The following FBXW8 variants were observed in gnomAD, a reference collection of about 807,000 sequenced individuals.
The protein encoded by FBXW8 is F-box and WD repeat domain containing 8, also known as F-box/WD repeat-containing protein 8.
A neutral mutation model predicts 65.3 loss-of-function variants in FBXW8; 57 were observed. The ratio of observed to expected loss-of-function variants is 0.87; its 90% CI spans 0.71 to 1.09. The LOEUF is 1.09. FBXW8 is among the 50% of genes least tolerant of loss of function. FBXW8 has a pLI of 0.00. For synonymous variants in FBXW8, 308 were observed against 330.2 expected, an observed-to-expected ratio of 0.93 and a Z score of 0.73; for missense variants, 777 against 814.8, an observed-to-expected ratio of 0.95 and a Z score of 0.57.
chr12:116,985,418 TG>T lies in FBXW8; in HGVS notation c.1032+18del. 2 of 1,607,896 alleles carry T rather than the reference TG, an allele frequency of 1.2e-6. No individual in the cohort carries two copies. Among genetic ancestry groups the T allele is most frequent in the South Asian group, 1.1e-5 (1 of 90,056 alleles). ...TCCGAAACTGGTGAGCTTTTTAGTC[TG>T]GTCATCTTATTTTCTATTCTTAGAA... On this transcript the variant is annotated intron_variant, in intron 6 of 10. Coordinates refer to ENST00000652555, the MANE Select transcript of FBXW8 (RefSeq NM_153348.3).
At chr12:116,992,761 G>GGGGTGTGT (rs1555223673) in intron 7 of FBXW8, among the ~76,000 whole-genome samples, 1 of 143,646 alleles carries the variant, frequency 7.0e-6, no homozygotes, top group East Asian at 2.1e-4. Flanking sequence ...ATTATTCCAT[G>GGGGTGTGT]GTGTGTGTGT....
At chr12:116,968,131 AT>A (rs201116902) in intron 5 of FBXW8, among the ~76,000 whole-genome samples, 2,016 of 152,230 alleles carry the variant, frequency 0.013, 40 homozygotes, top group African/African-American at 0.046. Flanking sequence ...AACAATGTTA[AT>A]TTTTTAATCT....
chr12:116,933,599 T>C (rs1183220294), intron 2 of FBXW8, among the ~76,000 whole-genome samples: 1 of 152,210 alleles, frequency 6.6e-6, no homozygotes, highest in African/African-American at 2.4e-5. Flanking sequence ...CTTTTTGTTG[T>C]TGTTGTTAAC....
intron 9 of FBXW8, 39 bp from the exon 10 acceptor site, chr12:117,027,355 T>C (rs762766102): frequency 9.7e-6 from 15 of 1,538,492 alleles, no homozygotes; most frequent in Non-Finnish European, 1.3e-5. Context: ...GCAGGCCCAG[T>C]GGACGCCCCC....
intron 2 of FBXW8, among the ~76,000 whole-genome samples, chr12:116,938,664 G>T (rs1234451023): frequency 1.3e-5 from 2 of 152,222 alleles, no homozygotes; most frequent in Admixed American, 6.5e-5. Context: ...CAGTCCTCAT[G>T]AAAACTCATA....
chr12:117,024,027 A>C (rs1355694111), intron 8 of FBXW8, 120 bp from the exon 9 acceptor site: 32 of 974,338 alleles, frequency 3.3e-5, no homozygotes, highest in Non-Finnish European at 4.5e-5. Flanking sequence ...GTTTGTTTGC[A>C]GCTGAGGAGT....
At chr12:116,984,863 G>C (rs12308160) in intron 5 of FBXW8, among the ~76,000 whole-genome samples, 180 of 152,228 alleles carry the variant, frequency 1.2e-3, no homozygotes, top group Middle Eastern at 3.4e-3. Flanking sequence ...GGTGGCACAC[G>C]CCTGTAGTCC....
chr12:117,027,909 G>A (rs10507278), intron 10 of FBXW8, 119 bp from the exon 11 acceptor site: 108 of 1,375,020 alleles, frequency 7.9e-5, no homozygotes, highest in East Asian at 3.7e-4. Context: ...CAGAGAACGC[G>A]TTTGTGAAGC....
At chr12:117,024,346 G>T (rs1204827707) in intron 9 of FBXW8, 26 bp downstream of exon 9, 1 of 1,612,838 alleles carries the variant, frequency 6.2e-7, no homozygotes, top group African/African-American at 1.3e-5. Flanking sequence ...GACACTCTTG[G>T]GAGTTCCTAG....
intron 8 of FBXW8, among the ~76,000 whole-genome samples, chr12:117,020,050 A>C (rs1253732310): frequency 6.6e-6 from 1 of 152,032 alleles, no homozygotes; most frequent in Non-Finnish European, 1.5e-5. Flanking sequence ...CCGCCCACAC[A>C]CGCACAGCCT....
At chr12:116,933,691 G>A (rs1000894188) in intron 2 of FBXW8, among the ~76,000 whole-genome samples, 1 of 152,210 alleles carries the variant, frequency 6.6e-6, no homozygotes, top group African/African-American at 2.4e-5. Context: ...AGTTAGCTGT[G>A]ATCTGTGAAG....
chr12:116,949,948 C>G, intron 4 of FBXW8: 1 of 466,016 alleles, frequency 2.1e-6, no homozygotes, highest in Non-Finnish European at 3.9e-6. Flanking sequence ...ATATGTCTTT[C>G]CCAGCTTTTA....
At position 116,968,174 on chromosome 12, in the gene FBXW8, G is replaced by A. The variant is rs148730476; in HGVS notation, c.835+3320G>A. On this transcript the variant is annotated intron_variant, in intron 5 of 10. Coordinates refer to ENST00000652555, the MANE Select transcript of FBXW8 (RefSeq NM_153348.3). ...GAGTGGGGTTATTTTGTAATTTAAT[G>A]TTTTTGATTACTACATTTTTAGGGT... Among the ~76,000 whole-genome samples the A allele has an allele frequency of 1.7e-3, 264 of 152,224 alleles. 1 individual carries two copies. Among genetic ancestry groups the A allele is most frequent in the Non-Finnish European group, 3.0e-3 (203 of 68,002 alleles).
intron 5 of FBXW8, among the ~76,000 whole-genome samples, chr12:116,980,829 T>C (rs1426981381): frequency 6.6e-6 from 1 of 152,258 alleles, no homozygotes; most frequent in Non-Finnish European, 1.5e-5. Flanking sequence ...GTGCTTTGTG[T>C]ATATCTCTCT....
intron 1 of FBXW8, among the ~76,000 whole-genome samples, chr12:116,918,476 A>G (rs1171652160): frequency 6.6e-6 from 1 of 152,208 alleles, no homozygotes; most frequent in African/African-American, 2.4e-5. Flanking sequence ...TACCTAAGGT[A>G]AGTAGGATTT....
intron 5 of FBXW8, among the ~76,000 whole-genome samples, chr12:116,976,450 CTTT>C (rs35364851): frequency 4.6e-5 from 3 of 64,600 alleles, no homozygotes; most frequent in Non-Finnish European, 8.5e-5. Flanking sequence ...CCAAAGGATC[CTTT>C]TTTTTTTTTT....
chr12:117,001,685 GCT>G (rs1279894452), intron 7 of FBXW8, among the ~76,000 whole-genome samples: 2 of 152,124 alleles, frequency 1.3e-5, no homozygotes, highest in African/African-American at 4.8e-5. Flanking sequence ...CACTGCCCAT[GCT>G]CTCTGTGGGG....
chr12:116,949,470 T>G, intron 3 of FBXW8, 148 bp from the exon 4 acceptor site: 2 of 681,466 alleles, frequency 2.9e-6, no homozygotes, highest in Non-Finnish European at 5.3e-6. Context: ...TCATCATCTT[T>G]GTCTTTTTGA....
At chr12:116,995,630 T>C (rs917869405) in intron 7 of FBXW8, among the ~76,000 whole-genome samples, 1 of 151,930 alleles carries the variant, frequency 6.6e-6, no homozygotes, top group Non-Finnish European at 1.5e-5. Context: ...TGATGGTTTT[T>C]TACTTTTGGA....
Sources: allele counts gnomAD v4.1 joint callset (sites outside exome capture counted in the v4.1 genomes callset), GRCh38; gene constraint gnomAD v4.1.1; transcripts MANE v1.5; gene names NCBI Gene and HGNC (gene_info 2026-07-23, HGNC 2026-07-21).